RCN1: variants seen among roughly 807,000 people sequenced by gnomAD.
RCN1 encodes reticulocalbin-1.
RCN1 carries 14 observed loss-of-function variants against 34.7 expected under a neutral mutation model. That is an observed-to-expected ratio of 0.40 (90% CI 0.27 to 0.63). The LOEUF (loss-of-function observed/expected upper bound fraction) is 0.63. Ranked by LOEUF, RCN1 falls within the 30% of genes least tolerant of loss-of-function variation. RCN1 has a pLI of 0.37. For synonymous variants in RCN1, 125 were observed against 165.5 expected, an observed-to-expected ratio of 0.76 and a Z score of 1.88; for missense variants, 326 against 425.1, an observed-to-expected ratio of 0.77 and a Z score of 2.05.
intron 4 of RCN1, 145 bp from the exon 5 acceptor site, chr11:32,103,136 G>A (rs1852065036): frequency 1.4e-6 from 1 of 700,058 alleles, no homozygotes; most frequent in South Asian, 1.7e-5. Context: ...TTATCCCCAA[G>A]AAGCTGCCTA....
At chr11:32,099,082 G>A (rs1252143673) in intron 3 of RCN1, among the ~76,000 whole-genome samples, 2 of 152,156 alleles carry the variant, frequency 1.3e-5, no homozygotes, top group Non-Finnish European at 2.9e-5. Context: ...CACTTTGGGA[G>A]GCCGAGGCAG....
intron 3 of RCN1, 75 bp from the exon 4 acceptor site, chr11:32,100,473 A>ACC (rs1852023903): frequency 8.2e-7 from 1 of 1,218,050 alleles, no homozygotes; most frequent in South Asian, 1.2e-5. Context: ...AGCTGGACAA[A>ACC]TGAGGACAAT....
chr11:32,103,522 G>C, intron 5 of RCN1, 42 bp downstream of exon 5: 2 of 1,553,194 alleles, frequency 1.3e-6, no homozygotes, highest in Non-Finnish European at 1.8e-6. Context: ...AAGGGAGACA[G>C]TTTACATAAG....
In RCN1 at chr11:32,097,231, A is replaced by T. The variant is rs772398158; in HGVS notation, c.342A>T (p.Arg114Ser). ...LKTWIKRVQK[R>S]YIFDNVAKVW... ...CCTGGATCAAACGGGTGCAGAAAAG[A>T]TACATCTTTGATAATGTCGCCAAAG... Residue 114 changes from arginine (R) to serine (S), a missense_variant, in exon 2 of 6, where the codon AGA (arginine) becomes AGT (serine). Arg to Ser is a moderately radical substitution (Grantham distance 110). Transcript: ENST00000054950. 2.1e-5 allele frequency: 33 copies of T among 1,608,724 alleles called. No individual in the cohort carries two copies. In the South Asian group the frequency reaches 2.6e-4, roughly 13 times the overall value.
At chr11:32,100,410 T>C (rs1004549339) in intron 3 of RCN1, 138 bp from the exon 4 acceptor site, 1 of 671,676 alleles carries the variant, frequency 1.5e-6, no homozygotes, top group Admixed American at 2.5e-5. Context: ...AAAAAACTAG[T>C]TCCCAGGGAA....
intron 1 of RCN1, chr11:32,091,864 G>A (rs747206792): frequency 4.7e-6 from 1 of 214,894 alleles, no homozygotes; most frequent in Non-Finnish European, 9.1e-6. Flanking sequence ...CTCCCGGGGA[G>A]AAGGGCTTGA....
At chr11:32,098,083 A>G (rs1851993407) in intron 2 of RCN1, among the ~76,000 whole-genome samples, 1 of 152,224 alleles carries the variant, frequency 6.6e-6, no homozygotes, top group Admixed American at 6.5e-5. Context: ...TTCTGCAAAG[A>G]GAAGTATGGC....
intron 3 of RCN1, among the ~76,000 whole-genome samples, chr11:32,100,232 G>A (rs960977316): frequency 1.3e-5 from 2 of 152,168 alleles, no homozygotes; most frequent in African/African-American, 2.4e-5. Flanking sequence ...GTTCCCCAGT[G>A]GGTGTTTTGG....
At chr11:32,097,459 C>T in intron 2 of RCN1, 122 bp downstream of exon 2, 1 of 591,622 alleles carries the variant, frequency 1.7e-6, no homozygotes, top group Non-Finnish European at 2.7e-6. Flanking sequence ...CTAAGTAGAA[C>T]CTGCTTGTAT....
chr11:32,103,354 A>G lies in RCN1; in HGVS notation c.762A>G (p.Glu254=). 4 of 1,613,790 alleles carry G rather than the reference A, an allele frequency of 2.5e-6. No homozygotes were observed. The highest frequency in any genetic ancestry group is 3.4e-6 in the Non-Finnish European group (4 of 1,179,664). ...TATCAGAACGGGAGCAGTTTAACGA[A>G]TTCCGGGATCTGAACAAGGACGGGA... is the stretch of plus-strand genomic sequence containing the variant. ...WVLSEREQFN[E]FRDLNKDGKL... The change falls in exon 5 of 6, where the codon GAA becomes GAG. Residue 254 remains glutamate (E), a synonymous_variant. Transcript: ENST00000054950.
chr11:32,091,716 G>A (rs1851924038), intron 1 of RCN1: 2 of 475,498 alleles, frequency 4.2e-6, no homozygotes, highest in African/African-American at 4.2e-5. Context: ...GCGGGAGCCA[G>A]GACGGCGAGG....
intron 1 of RCN1, among the ~76,000 whole-genome samples, chr11:32,095,991 C>T (rs1419257399): frequency 1.3e-5 from 2 of 152,162 alleles, no homozygotes; most frequent in East Asian, 3.9e-4. Context: ...CTCCCCTTCT[C>T]GTGTACACCC....
intron 4 of RCN1, 148 bp downstream of exon 4, chr11:32,100,756 A>G: frequency 3.2e-6 from 2 of 621,698 alleles, no homozygotes; most frequent in Non-Finnish European, 5.8e-6. Flanking sequence ...TGCTTGTCCC[A>G]TCAGCCCTAG....
chr11:32,101,389 G>A (rs1376140163), intron 4 of RCN1, among the ~76,000 whole-genome samples: 1 of 152,168 alleles, frequency 6.6e-6, no homozygotes, highest in African/African-American at 2.4e-5. Context: ...TAAAGTAAAA[G>A]CTGGAAAATC....
intron 1 of RCN1, among the ~76,000 whole-genome samples, chr11:32,094,489 A>G (rs1042179445): frequency 2.6e-5 from 4 of 152,212 alleles, no homozygotes; most frequent in African/African-American, 4.8e-5. Flanking sequence ...GGGTACCTCC[A>G]AGTGGCCATA....
chr11:32,092,019 G>A (rs906797650), intron 1 of RCN1, among the ~76,000 whole-genome samples: 16 of 152,284 alleles, frequency 1.1e-4, no homozygotes, highest in Admixed American at 1.0e-3. Context: ...AAGGAGTCTG[G>A]GCGCGGTGAC....
At chr11:32,104,301 C>T in intron 5 of RCN1, 64 bp from the exon 6 acceptor site, 1 of 939,774 alleles carries the variant, frequency 1.1e-6, no homozygotes, top group Non-Finnish European at 1.7e-6. Flanking sequence ...ATGACATGAA[C>T]ATCATACAGA....
intron 3 of RCN1, among the ~76,000 whole-genome samples, chr11:32,099,630 A>G (rs1335859797): frequency 6.6e-6 from 1 of 152,184 alleles, no homozygotes; most frequent in African/African-American, 2.4e-5. Flanking sequence ...TGACAATTAA[A>G]TAAATGCCAT....
At position 32,104,933 on chromosome 11, in the gene RCN1, T is replaced by TAA. The variant is rs1852091673; in HGVS notation, c.*462_*463dup. 5.8e-6 allele frequency: 1 copy of TAA among 173,604 alleles called. No individual in the cohort carries two copies. Among genetic ancestry groups the TAA allele is most frequent in the Admixed American group, 6.2e-5 (1 of 16,100 alleles). The allele number at this position is 173,604 out of a possible 1,614,324, so 10.8% of individuals were successfully genotyped here. A position where few individuals can be genotyped will look rare whatever the true frequency, so the allele number is the denominator to read the frequency against. ...TAAGCGAAAGTGGTATCATCCTAGG[T>TAA]AAGCTTATTTCAGAACAAGTCTAAT... On this transcript the variant is annotated 3_prime_UTR_variant, in exon 6 of 6. Transcript: ENST00000054950.
Sources: gnomAD v4.1 joint callset for allele counts (sites outside exome capture counted in the v4.1 genomes callset) on GRCh38, gnomAD v4.1.1 for gene constraint, MANE v1.5 for transcripts, NCBI Gene and HGNC (gene_info 2026-07-23, HGNC 2026-07-21) for gene names.